The following ADAMTSL1 variants were observed in gnomAD, a reference collection of about 807,000 sequenced individuals.
The protein encoded by ADAMTSL1 is ADAMTS-like protein 1.
A neutral mutation model predicts 201.8 loss-of-function variants in ADAMTSL1; 126 were observed. That is an observed-to-expected ratio of 0.62 (90% CI 0.54 to 0.72). The LOEUF (loss-of-function observed/expected upper bound fraction) is 0.72, where lower values mean the gene tolerates loss of function less well. Among genes scored for constraint, ADAMTSL1 ranks in the 30% least tolerant of loss-of-function variants. The pLI is 0.00. For synonymous variants in ADAMTSL1, 1,121 were observed against 903.4 expected (o/e 1.24, Z -4.32); for missense variants, 2,679 against 2,277.8 (o/e 1.18, Z -3.59).
intron 2 of ADAMTSL1, among the ~76,000 whole-genome samples, chr9:18,255,883 C>T (rs1831663684): frequency 6.6e-6 from 1 of 152,318 alleles, no homozygotes; most frequent in East Asian, 1.9e-4. Context: ...GACTACATAA[C>T]TGCGAAGCAG....
intron 2 of ADAMTSL1, among the ~76,000 whole-genome samples, chr9:18,184,679 G>A (rs965380261): frequency 9.2e-5 from 14 of 152,190 alleles, no homozygotes; most frequent in African/African-American, 3.4e-4. Flanking sequence ...CTCGTCTCAT[G>A]TAGAAATGAC....
intron 2 of ADAMTSL1, among the ~76,000 whole-genome samples, chr9:18,441,952 A>C (rs1820011249): frequency 6.6e-6 from 1 of 152,232 alleles, no homozygotes; most frequent in Admixed American, 6.5e-5. Flanking sequence ...TTAATGCCAA[A>C]TGAAAACCCA....
At chr9:18,702,987 C>G (rs1463475869) in intron 13 of ADAMTSL1, among the ~76,000 whole-genome samples, 4 of 152,098 alleles carry the variant, frequency 2.6e-5, no homozygotes, top group African/African-American at 4.8e-5. Context: ...GTCTCAGACT[C>G]CTGACCTCAG....
chr9:18,853,880 A>G (rs1402741268), intron 23 of ADAMTSL1, among the ~76,000 whole-genome samples: 1 of 111,296 alleles, frequency 9.0e-6, no homozygotes, highest in Admixed American at 1.0e-4. Context: ...GTCTACTTGT[A>G]TTCACTCTCT....
chr9:18,348,546 T>A (rs1273339051), intron 2 of ADAMTSL1, among the ~76,000 whole-genome samples: 1 of 152,228 alleles, frequency 6.6e-6, no homozygotes, highest in African/African-American at 2.4e-5. Flanking sequence ...ATTCTAAAAT[T>A]CTCTAGAATT....
intron 2 of ADAMTSL1, among the ~76,000 whole-genome samples, chr9:18,203,980 GA>G (rs929738004): frequency 6.6e-6 from 1 of 152,156 alleles, no homozygotes; most frequent in Non-Finnish European, 1.5e-5. Context: ...GAGGGGAGAA[GA>G]AAGAAGCAGT....
chr9:17,915,553 T>G (rs1826058599), intron 1 of ADAMTSL1, among the ~76,000 whole-genome samples: 1 of 152,176 alleles, frequency 6.6e-6, no homozygotes, highest in African/African-American at 2.4e-5. Flanking sequence ...TATGAACACG[T>G]TGTTTAATTT....
chr9:18,430,401 A>G (rs1271123230), intron 2 of ADAMTSL1, among the ~76,000 whole-genome samples: 1 of 152,172 alleles, frequency 6.6e-6, no homozygotes, highest in Non-Finnish European at 1.5e-5. Flanking sequence ...TACTTATATT[A>G]GAGGTTGCTA....
rs1345705390 is a variant in ADAMTSL1 at position 18,862,377 on chromosome 9, C to CTAGCTTGCCT, written c.4250-25452_4250-25443dup. 2.0e-5 allele frequency among the ~76,000 whole-genome samples: 3 copies of CTAGCTTGCCT among 152,282 alleles called. No homozygotes were observed. In the East Asian group the frequency reaches 5.8e-4, roughly 29 times the overall value. On this transcript the variant is annotated intron_variant, in intron 23 of 28. Transcript: ENST00000380548. Reference sequence around the variant, plus strand: ...TCCTCCAAGCTGATCTGTGTATTTTCTAGCTTGCCTTTCCATTGGCTGGAG... The same window carrying CTAGCTTGCCT: ...TCCTCCAAGCTGATCTGTGTATTTTCTAGCTTGCCTTAGCTTGCCTTTCCATTGGCTGGAG...
chr9:18,002,957 C>T (rs1306519987), intron 1 of ADAMTSL1, among the ~76,000 whole-genome samples: 1 of 152,002 alleles, frequency 6.6e-6, no homozygotes, highest in South Asian at 2.1e-4. Flanking sequence ...AACCTTTGAC[C>T]TTTAGCATCT....
At chr9:17,922,301 T>G (rs1393150438) in intron 1 of ADAMTSL1, among the ~76,000 whole-genome samples, 1 of 152,156 alleles carries the variant, frequency 6.6e-6, no homozygotes, top group African/African-American at 2.4e-5. Context: ...ATTATAAGGC[T>G]GGAAGGCGTC....
chr9:18,065,985 CAAAAAAAAAA>C (rs34179730), intron 1 of ADAMTSL1, among the ~76,000 whole-genome samples: 2 of 38,096 alleles, frequency 5.2e-5, no homozygotes, highest in Non-Finnish European at 9.3e-5. Flanking sequence ...GACTCCATCT[CAAAAAAAAAA>C]AAAAAAAAAA....
chr9:18,699,405 A>T (rs913566667), intron 13 of ADAMTSL1, among the ~76,000 whole-genome samples: 1 of 150,628 alleles, frequency 6.6e-6, no homozygotes, highest in Non-Finnish European at 1.5e-5. Flanking sequence ...GCTCACTGTA[A>T]CCTTGAACTC....
At chr9:18,478,928 T>C (rs1386121460) in intron 1 of ADAMTSL1, among the ~76,000 whole-genome samples, 1 of 152,192 alleles carries the variant, frequency 6.6e-6, no homozygotes, top group Non-Finnish European at 1.5e-5. Context: ...TCTGTCTACA[T>C]CATAAAAACC....
intron 2 of ADAMTSL1, among the ~76,000 whole-genome samples, chr9:18,339,889 C>G (rs1483307986): frequency 1.3e-5 from 2 of 152,184 alleles, no homozygotes; most frequent in Non-Finnish European, 2.9e-5. Context: ...CCCCATCTCT[C>G]TCTTCCATAT....
chr9:17,918,682 C>T (rs1373920927), intron 1 of ADAMTSL1, among the ~76,000 whole-genome samples: 1 of 151,774 alleles, frequency 6.6e-6, no homozygotes, highest in Non-Finnish European at 1.5e-5. Flanking sequence ...AAATGTCAAT[C>T]AGGTCAAATT....
At chr9:18,523,258 C>G in intron 2 of ADAMTSL1, among the ~76,000 whole-genome samples, 1 of 152,190 alleles carries the variant, frequency 6.6e-6, no homozygotes, top group Non-Finnish European at 1.5e-5. Context: ...AGTGTCTGTT[C>G]ATATCCTTTT....
chr9:18,849,183 T>A (rs1826324620), intron 23 of ADAMTSL1, among the ~76,000 whole-genome samples: 1 of 151,152 alleles, frequency 6.6e-6, no homozygotes, highest in Admixed American at 6.6e-5. Context: ...ATAAGTATTT[T>A]TAAGTGATTT....
rs192230380 is a variant in ADAMTSL1, at chr9:18,125,362, G to A, written c.88-38500G>A. Among the ~76,000 whole-genome samples the A allele has an allele frequency of 4.6e-5, 7 of 152,248 alleles. No homozygotes were observed. The South Asian group carries it at 6.2e-4, about 14-fold the overall frequency. The stretch of plus-strand genomic sequence containing the variant: ...TCACCTCTCACTGGGTTCCTCCCAC[G>A]ACCATGTGGGAGTTGTGGGAGTTAA... On this transcript the variant is annotated intron_variant, in intron 1 of 29. Coordinates refer to the ADAMTSL1 transcript ENST00000680146.
Sources: gnomAD v4.1 joint callset for allele counts (sites outside exome capture counted in the v4.1 genomes callset) on GRCh38, gnomAD v4.1.1 for gene constraint, MANE v1.5 for transcripts, NCBI Gene and HGNC (gene_info 2026-07-23, HGNC 2026-07-21) for gene names.